FAM78B: variants seen among roughly 807,000 people sequenced by gnomAD.
FAM78B encodes the protein family with sequence similarity 78 member B, also known as protein FAM78B.
FAM78B carries 10 observed loss-of-function variants against 20.0 expected under a neutral mutation model. The observed-to-expected ratio is 0.50, with a 90% CI of 0.31 to 0.85. The LOEUF is 0.85. FAM78B is among the 40% of genes least tolerant of loss of function. The pLI is 0.05. For synonymous variants in FAM78B, 135 were observed against 132.8 expected (o/e 1.02, Z -0.12); for missense variants, 283 against 345.0 (o/e 0.82, Z 1.42).
At chr1:166,121,329 C>G (rs73041258) in intron 1 of FAM78B, among the ~76,000 whole-genome samples, 1 of 152,050 alleles carries the variant, frequency 6.6e-6, no homozygotes, top group Non-Finnish European at 1.5e-5. Context: ...ACACCCTCAC[C>G]TCGGTCACTC....
intron 2 of FAM78B, among the ~76,000 whole-genome samples, chr1:166,064,082 CCT>C (rs1410103313): frequency 6.6e-6 from 1 of 152,108 alleles, no homozygotes. Context: ...GGGAAGCAGC[CCT>C]GAGGTGAACT....
At chr1:166,074,970 G>A (rs1435655053) in intron 1 of FAM78B, among the ~76,000 whole-genome samples, 4 of 152,194 alleles carry the variant, frequency 2.6e-5, no homozygotes, top group Non-Finnish European at 5.9e-5. Context: ...TTCCAGGTGG[G>A]AGTCTGTGTC....
chr1:166,070,676 G>A lies in FAM78B; in HGVS notation c.351C>T (p.Asn117=). 1 of 1,613,556 alleles carries A rather than the reference G, an allele frequency of 6.2e-7. No homozygotes were observed. Among genetic ancestry groups the A allele is most frequent in the Non-Finnish European group, 8.5e-7 (1 of 1,179,932 alleles). Residue 117 remains asparagine, a synonymous_variant, in exon 2 of 2, where the codon AAC becomes AAT. Coordinates refer to ENST00000354422, the MANE Select transcript of FAM78B (RefSeq NM_001017961.5). ...SDGVSYPWYG[N]TTETVTLVGP... is the part of the protein sequence containing the mutation. ...CAACCAGGGTCACAGTTTCTGTGGT[G>A]TTCCCGTACCAAGGGTAGCTCACCC...
Position 166,149,753 on chromosome 1 carries a change from G to A in FAM78B, c.263+16233C>T, listed in dbSNP as rs534090410. Among the ~76,000 whole-genome samples the A allele has an allele frequency of 6.4e-4, 97 of 152,178 alleles. 1 individual carries two copies. Among genetic ancestry groups the A allele is most frequent in the Middle Eastern group, 3.4e-3 (1 of 294 alleles). On this transcript the variant is annotated intron_variant, in intron 1 of 1. Coordinates refer to ENST00000354422, the MANE Select transcript of FAM78B (RefSeq NM_001017961.5). ...CCCCAACCACCTTGAGCTCCATATC[G>A]TAGAATACCTCCACACAGGGAATCC...
chr1:166,133,980 CTGAGAG>C (rs1206683387), intron 1 of FAM78B, among the ~76,000 whole-genome samples: 3 of 152,322 alleles, frequency 2.0e-5, no homozygotes, highest in Non-Finnish European at 4.4e-5. Context: ...CAACGGGAGA[CTGAGAG>C]TCAGTGAGTG....
chr1:166,162,222 A>C (rs569426644), intron 1 of FAM78B, among the ~76,000 whole-genome samples: 22 of 152,322 alleles, frequency 1.4e-4, no homozygotes, highest in African/African-American at 5.1e-4. Context: ...AGCTTGGACT[A>C]AACTGAACAG....
intron 1 of FAM78B, among the ~76,000 whole-genome samples, chr1:166,158,207 C>G (rs139992700): frequency 1.3e-5 from 2 of 152,116 alleles, no homozygotes; most frequent in Non-Finnish European, 2.9e-5. Context: ...TGACTGTGGT[C>G]CCAACTACTC....
At chr1:166,109,891 T>C (rs536907344) in intron 1 of FAM78B, among the ~76,000 whole-genome samples, 1,318 of 19,626 alleles carry the variant, frequency 0.067, 274 homozygotes, top group Middle Eastern at 0.19. Context: ...TGTATATATG[T>C]ATATATATAT....
intron 1 of FAM78B, among the ~76,000 whole-genome samples, chr1:166,144,604 G>C (rs919374210): frequency 1.3e-5 from 2 of 152,154 alleles, no homozygotes; most frequent in Admixed American, 1.3e-4. Context: ...TGGGCGGAAA[G>C]GGGGGCAGAG....
At chr1:166,146,224 T>A (rs12239227) in intron 1 of FAM78B, among the ~76,000 whole-genome samples, 5,681 of 152,298 alleles carry the variant, frequency 0.037, 345 homozygotes, top group African/African-American at 0.13. Context: ...ACTGTCATTC[T>A]GTTGAAAAGA....
At chr1:166,077,766 T>C (rs892602434) in intron 1 of FAM78B, among the ~76,000 whole-genome samples, 2 of 137,968 alleles carry the variant, frequency 1.4e-5, no homozygotes, top group Non-Finnish European at 1.5e-5. Context: ...TATATTTATA[T>C]ATGAATTATA....
chr1:166,111,029 A>G (rs1322547296), intron 1 of FAM78B, among the ~76,000 whole-genome samples: 1 of 152,208 alleles, frequency 6.6e-6, no homozygotes, highest in Non-Finnish European at 1.5e-5. Context: ...ATGAACTACC[A>G]TCTTGGATAA....
In FAM78B at chr1:166,165,891, G is replaced by T. The variant is rs1656355066; in HGVS notation, c.263+95C>A. ...GAGGAAGGTTTAGAAAGACGATGGG[G>T]ACAGCAGTAGGAAGGAGCTGGGGAG... is the stretch of plus-strand genomic sequence containing the variant. On this transcript the variant is annotated intron_variant, in intron 1 of 1. Coordinates refer to ENST00000354422, the MANE Select transcript of FAM78B (RefSeq NM_001017961.5). 1.9e-5 allele frequency: 27 copies of T among 1,429,984 alleles called. No homozygotes were observed. In the Middle Eastern group the frequency reaches 5.3e-4, roughly 28 times the overall value. 88.6% of individuals were successfully genotyped at this position (1,429,984 alleles called of 1,614,324 possible).
chr1:166,148,189 T>A (rs1655536530), intron 1 of FAM78B, among the ~76,000 whole-genome samples: 1 of 152,210 alleles, frequency 6.6e-6, no homozygotes, highest in Non-Finnish European at 1.5e-5. Flanking sequence ...TAATCAGATG[T>A]TTTAAGGAGT....
At chr1:166,084,020 G>C (rs1023996153) in intron 1 of FAM78B, among the ~76,000 whole-genome samples, 3 of 151,826 alleles carry the variant, frequency 2.0e-5, no homozygotes, top group Non-Finnish European at 4.4e-5. Flanking sequence ...ATCTTGACAA[G>C]GTAACAGGAG....
At chr1:166,095,419 G>A (rs1245926472) in intron 1 of FAM78B, among the ~76,000 whole-genome samples, 1 of 152,218 alleles carries the variant, frequency 6.6e-6, no homozygotes, top group Non-Finnish European at 1.5e-5. Context: ...CAGTGGGCCA[G>A]GAACCAGGAC....
intron 1 of FAM78B, among the ~76,000 whole-genome samples, chr1:166,128,094 G>A (rs923100171): frequency 6.6e-6 from 1 of 152,186 alleles, no homozygotes; most frequent in Non-Finnish European, 1.5e-5. Flanking sequence ...GGAAGTGAAG[G>A]AAATGTGGAA....
chr1:166,122,160 A>G (rs990423328), intron 1 of FAM78B, among the ~76,000 whole-genome samples: 4 of 152,210 alleles, frequency 2.6e-5, no homozygotes, highest in Admixed American at 6.5e-5. Context: ...CTTAGCCAGG[A>G]TAAGGAATGA....
At chr1:166,127,674 TA>T (rs1488228184) in intron 1 of FAM78B, among the ~76,000 whole-genome samples, 1 of 152,212 alleles carries the variant, frequency 6.6e-6, no homozygotes, top group Non-Finnish European at 1.5e-5. Flanking sequence ...CAGATGTTGG[TA>T]AAGGAAAAGT....
Sources: gnomAD v4.1 joint callset for allele counts (sites outside exome capture counted in the v4.1 genomes callset) on GRCh38, gnomAD v4.1.1 for gene constraint, MANE v1.5 for transcripts, NCBI Gene and HGNC (gene_info 2026-07-23, HGNC 2026-07-21) for gene names.